Variants in ZNF486 observed in about 807,000 individuals in gnomAD.
The protein encoded by ZNF486 is zinc finger protein 486, also known as KRAB box only protein 2.
A neutral mutation model predicts 12.8 loss-of-function variants in ZNF486; 12 were observed. The ratio of observed to expected loss-of-function variants is 0.94; its 90% CI spans 0.60 to 1.52. The LOEUF (loss-of-function observed/expected upper bound fraction) is 1.52, where lower values mean the gene tolerates loss of function less well. ZNF486 is among the 40% of genes most tolerant of loss of function. The probability of loss-of-function intolerance (pLI) is 0.00; values close to 1 mark genes in which losing one functional copy is unlikely to be tolerated. For missense variants in ZNF486, 738 were observed against 545.0 expected, an observed-to-expected ratio of 1.35 and a Z score of -3.53; for synonymous variants, 231 against 184.9, an observed-to-expected ratio of 1.25 and a Z score of -2.02.
chr19:20,168,105 T>C (rs1184136651), intron 1 of ZNF486, among the ~76,000 whole-genome samples: 1 of 152,182 alleles, frequency 6.6e-6, no homozygotes, highest in Non-Finnish European at 1.5e-5. Context: ...CTCACGCCTG[T>C]AATCCCAGCA....
At chr19:20,188,219 T>TC (rs1351382361) in intron 3 of ZNF486, among the ~76,000 whole-genome samples, 2 of 152,176 alleles carry the variant, frequency 1.3e-5, no homozygotes, top group Non-Finnish European at 2.9e-5. Context: ...GTCTTTTTTT[T>TC]CACCATGTGT....
At chr19:20,190,682 G>C (rs561148265) in intron 3 of ZNF486, among the ~76,000 whole-genome samples, 1 of 152,168 alleles carries the variant, frequency 6.6e-6, no homozygotes, top group Non-Finnish European at 1.5e-5. Flanking sequence ...ACTGCACCCC[G>C]TCAGTACTTT....
chr19:20,187,402 A>T (rs1295299860), intron 3 of ZNF486, among the ~76,000 whole-genome samples: 5 of 151,904 alleles, frequency 3.3e-5, no homozygotes, highest in Non-Finnish European at 7.4e-5. Context: ...TTCTTCTGCC[A>T]CATGCTTCCA....
chr19:20,177,157 GGC>G (rs1555714948), intron 1 of ZNF486: 1 of 152,380 alleles, frequency 6.6e-6, no homozygotes, highest in Non-Finnish European at 1.5e-5. Flanking sequence ...GTGCCTCAGT[GGC>G]AGATGGTAGA....
At chr19:20,181,627 C>A (rs2089788405) in intron 1 of ZNF486, among the ~76,000 whole-genome samples, 1 of 151,906 alleles carries the variant, frequency 6.6e-6, no homozygotes, top group South Asian at 2.1e-4. Flanking sequence ...TTTGCAGAGA[C>A]ATTCTATTTA....
At chr19:20,183,590 G>A (rs1287229792) in intron 1 of ZNF486, among the ~76,000 whole-genome samples, 3 of 152,126 alleles carry the variant, frequency 2.0e-5, no homozygotes, top group African/African-American at 7.2e-5. Flanking sequence ...GTGTGAATTA[G>A]GACATCATAA....
intron 1 of ZNF486, among the ~76,000 whole-genome samples, chr19:20,169,267 G>C (rs563687800): frequency 6.6e-6 from 1 of 151,642 alleles, no homozygotes; most frequent in Non-Finnish European, 1.5e-5. Flanking sequence ...GGCACGCGCC[G>C]TCACGCCCGG....
rs373974754 is a variant in ZNF486 at position 20,198,002 on chromosome 19, A to G, written c.1292A>G (p.Glu431Gly). The G allele has an allele frequency of 1.4e-5, 23 of 1,613,632 alleles. No homozygotes were observed. Among genetic ancestry groups the G allele is most frequent in the African/African-American group, 1.2e-4 (9 of 74,932 alleles). Residue 431 changes from glutamate (E) to glycine (G), a missense_variant, in exon 4 of 4, where the codon GAG becomes GGG. Coordinates refer to ENST00000335117, the MANE Select transcript of ZNF486 (RefSeq NM_052852.4). ...LTEHKTTHTG[E>G]KPYKCKECGK... ...GAACATAAGACAACTCATACTGGAG[A>G]GAAACCTTACAAATGTAAAGAATGT... is the stretch of plus-strand genomic sequence containing the variant.
chr19:20,194,625 C>T (rs964560828), intron 3 of ZNF486, among the ~76,000 whole-genome samples: 10 of 151,910 alleles, frequency 6.6e-5, no homozygotes, highest in South Asian at 2.1e-4. Flanking sequence ...CTACTCAGGA[C>T]GCTGAGGCAG....
chr19:20,168,278 GAACCC>G (rs1826541797), intron 1 of ZNF486, among the ~76,000 whole-genome samples: 1 of 152,144 alleles, frequency 6.6e-6, no homozygotes, highest in Non-Finnish European at 1.5e-5. Context: ...AGAATTGGTT[GAACCC>G]AGGAGGCGGA....
At chr19:20,183,442 A>G (rs535247569) in intron 1 of ZNF486, among the ~76,000 whole-genome samples, 14 of 152,362 alleles carry the variant, frequency 9.2e-5, no homozygotes, top group African/African-American at 3.4e-4. Context: ...CCTACTTAAA[A>G]TTACTACTAA....
intron 1 of ZNF486, among the ~76,000 whole-genome samples, chr19:20,170,721 GTCCA>G (rs2122623812): frequency 6.6e-6 from 1 of 152,306 alleles, no homozygotes; most frequent in Non-Finnish European, 1.5e-5. Context: ...GGGTGTTTCT[GTCCA>G]TCAGCTTTTT....
chr19:20,194,362 A>G (rs1329198316), intron 3 of ZNF486, among the ~76,000 whole-genome samples: 1 of 152,204 alleles, frequency 6.6e-6, no homozygotes, highest in East Asian at 1.9e-4. Context: ...TGCATTTGAC[A>G]GCTTTTTAAA....
chr19:20,169,792 T>C (rs570622923), intron 1 of ZNF486, among the ~76,000 whole-genome samples: 2 of 150,702 alleles, frequency 1.3e-5, no homozygotes, highest in Admixed American at 1.3e-4. Context: ...GGGAGGGGAA[T>C]GACAAATGGA....
Position 20,197,559 on chromosome 19 carries a change from A to G in ZNF486, c.849A>G (p.Thr283=). 6.2e-7 allele frequency: 1 copy of G among 1,613,536 alleles called. No individual in the cohort carries two copies. Residue 283 remains threonine, a synonymous_variant, in exon 4 of 4, where the codon ACA becomes ACG. Transcript: ENST00000335117. ...KAFMYPYTLT[T]HKIIHTGEQP... is the part of the protein sequence containing the mutation. ...TTATGTACCCCTATACCCTTACTAC[A>G]CATAAGATAATCCATACTGGAGAGC...
chr19:20,187,587 C>T lies in ZNF486; in HGVS notation c.253+1505C>T, dbSNP rs2089862822. Among the ~76,000 whole-genome samples, 4 of 150,936 alleles carry T rather than the reference C, an allele frequency of 2.7e-5. No homozygotes were observed. In the Middle Eastern group the frequency reaches 0.01, roughly 388 times the overall value. On this transcript the variant is annotated intron_variant, in intron 3 of 3. Transcript: ENST00000335117. ...TGCAGTCTCAGCTCACTGCAACCTC[C>T]ACCTCCCGGGTTCACGCCATTCTCC... is the stretch of plus-strand genomic sequence containing the variant.
intron 3 of ZNF486, among the ~76,000 whole-genome samples, chr19:20,193,024 C>G (rs1269304052): frequency 6.6e-6 from 1 of 151,132 alleles, no homozygotes; most frequent in Admixed American, 6.6e-5. Context: ...TTATTTTGTA[C>G]TGGCATGCTT....
At chr19:20,187,662 C>T (rs11880884) in intron 3 of ZNF486, among the ~76,000 whole-genome samples, 41 of 151,996 alleles carry the variant, frequency 2.7e-4, no homozygotes, top group South Asian at 1.7e-3. Context: ...CCACCACACC[C>T]GGCTAATTTT....
intron 3 of ZNF486, among the ~76,000 whole-genome samples, chr19:20,196,097 CATTCTCTGCCTCCACAGTTGAAGCA>C (rs1445153884): frequency 6.6e-6 from 1 of 152,194 alleles, no homozygotes; most frequent in African/African-American, 2.4e-5. Flanking sequence ...TGGCTCACTA[CATTCTCTGCCTCCACAGTTGAAGCA>C]ATTCTCCTGC....
Sources: gnomAD v4.1 joint callset for allele counts (sites outside exome capture counted in the v4.1 genomes callset) on GRCh38, gnomAD v4.1.1 for gene constraint, MANE v1.5 for transcripts, NCBI Gene and HGNC (gene_info 2026-07-23, HGNC 2026-07-21) for gene names.